CWF19L2: variants seen among roughly 807,000 people sequenced by gnomAD.
CWF19L2 encodes the protein CWF19-like protein 2.
CWF19L2 carries 98 observed loss-of-function variants against 111.7 expected under a neutral mutation model. The observed-to-expected ratio is 0.88, with a 90% confidence interval of 0.75 to 1.04. CWF19L2 has a LOEUF of 1.04. Ranked by LOEUF, CWF19L2 falls within the 50% of genes least tolerant of loss-of-function variation. CWF19L2 has a pLI of 0.00. For missense variants in CWF19L2, 1,101 were observed against 1,051.4 expected, an observed-to-expected ratio of 1.05 and a Z score of -0.65; for synonymous variants, 351 against 342.9, an observed-to-expected ratio of 1.02 and a Z score of -0.26.
chr11:107,382,669 T>C (rs1860705978), intron 12 of CWF19L2, among the ~76,000 whole-genome samples: 2 of 152,232 alleles, frequency 1.3e-5, no homozygotes, highest in Non-Finnish European at 2.9e-5. Context: ...TCTGTGGTGT[T>C]ATGATATGCG....
chr11:107,446,753 T>G lies in CWF19L2; in HGVS notation c.340-3704A>C, dbSNP rs545270663. 3.3e-5 allele frequency among the ~76,000 whole-genome samples: 5 copies of G among 152,280 alleles called. No individual in the cohort carries two copies. The South Asian group carries it at 1.0e-3, about 32-fold the overall frequency. ...GAAATGTCTTTTTCTACTCTTTCAA[T>G]AGCACTAGTCAGAAACTTTTAAGCA... On this transcript the variant is annotated intron_variant, in intron 3 of 17. Transcript: ENST00000282251.
At chr11:107,418,573 C>A (rs74711834) in intron 8 of CWF19L2, among the ~76,000 whole-genome samples, 1 of 152,062 alleles carries the variant, frequency 6.6e-6, no homozygotes, top group Non-Finnish European at 1.5e-5. Context: ...TCCCCATACT[C>A]GTAACTTTAA....
Position 107,455,782 on chromosome 11 carries a change from A to T in CWF19L2, c.106-6T>A. 2.0e-6 allele frequency: 3 copies of T among 1,524,656 alleles called. No individual in the cohort carries two copies. The highest frequency in any genetic ancestry group is 2.7e-6 in the Non-Finnish European group (3 of 1,130,358). The allele number at this position is 1,524,656 out of a possible 1,614,324, so 94.4% of individuals were successfully genotyped here. ...TTTTCAAAATTGGCTTTAGCCTACA[A>T]CCAAAGAAAAAAAAAAGACAAACTG... On this transcript the variant is annotated splice_polypyrimidine_tract_variant and splice_region_variant and intron_variant, in intron 1 of 17. Transcript: ENST00000282251.
rs1029518176 is a variant in CWF19L2 at position 107,326,984 on chromosome 11, C to T, written c.2611G>A (p.Asp871Asn). The T allele has an allele frequency of 6.2e-7, 1 of 1,612,148 alleles. No homozygotes were observed. The highest frequency in any genetic ancestry group is 2.2e-5 in the East Asian group (1 of 44,730). The change falls in exon 18 of 18, where the codon GAT (aspartate) becomes AAT (asparagine). Residue 871 changes from aspartate (D) to asparagine (N), a missense_variant. Asp to Asn is a conservative substitution (Grantham distance 23, BLOSUM62 1). Transcript: ENST00000282251. ...WRKGIRESFEDQRKKALQFAQ... is the reference protein window; with the variant it reads ...WRKGIRESFENQRKKALQFAQ... ...AACTGCAGTGCTTTTTTCCTCTGAT[C>T]CTCAAAGCTTTCTCGGATGCCTTTC...
chr11:107,439,135 T>C lies in CWF19L2; in HGVS notation c.619A>G (p.Thr207Ala). The C allele has an allele frequency of 6.2e-7, 1 of 1,609,880 alleles. No individual in the cohort carries two copies. Among genetic ancestry groups the C allele is most frequent in the Non-Finnish European group, 8.5e-7 (1 of 1,177,220 alleles). The change falls in exon 6 of 18, where the codon ACA becomes GCA. Residue 207 changes from threonine to alanine, a missense_variant. By Grantham distance (58) the Thr-to-Ala change is moderately conservative. Transcript: ENST00000282251. ...ELNPYWKDGG[T>A]GLPPEDCSVS... The stretch of plus-strand genomic sequence containing the variant: ...CTACAGTCTTCAGGTGGAAGACCTG[T>C]CCCACCATCCTTCCAGTACGGATTC...
chr11:107,407,384 T>C (rs1220444881), intron 10 of CWF19L2, among the ~76,000 whole-genome samples: 1 of 145,490 alleles, frequency 6.9e-6, no homozygotes, highest in African/African-American at 2.5e-5. Flanking sequence ...TCCCTCCATC[T>C]AACCCTTCCC....
chr11:107,327,150 G>T, intron 17 of CWF19L2, 97 bp from the exon 18 acceptor site: 1 of 1,175,366 alleles, frequency 8.5e-7, no homozygotes, highest in Non-Finnish European at 1.2e-6. Flanking sequence ...AATATAACAA[G>T]TTCTTCTCCA....
Position 107,416,227 on chromosome 11 carries a change from T to A in CWF19L2, c.1599A>T (p.Pro533=). The A allele has an allele frequency of 7.0e-7, 1 of 1,431,832 alleles. No homozygotes were observed. The highest frequency in any genetic ancestry group is 1.5e-5 in the South Asian group (1 of 67,342). 88.7% of individuals were successfully genotyped at this position (1,431,832 alleles called of 1,614,324 possible). ...NKFKETITQI[P]KKSGVENEDQ... ...TACTTACCTCTACCCCAGATTTTTT[T>A]GGTATCTGTGTTATAGTTTCTTTGA... is the stretch of plus-strand genomic sequence containing the variant. Residue 533 remains proline, a synonymous_variant, in exon 10 of 18, where the codon CCA becomes CCT. Coordinates refer to ENST00000282251, the MANE Select transcript of CWF19L2 (RefSeq NM_152434.3).
At chr11:107,421,011 A>C (rs575658660) in intron 8 of CWF19L2, among the ~76,000 whole-genome samples, 1 of 152,246 alleles carries the variant, frequency 6.6e-6, no homozygotes, top group South Asian at 2.1e-4. Context: ...CCAAGTGCAT[A>C]CAAAATATTT....
At chr11:107,399,027 G>A (rs1452433204) in intron 10 of CWF19L2, among the ~76,000 whole-genome samples, 4 of 152,046 alleles carry the variant, frequency 2.6e-5, no homozygotes, top group Admixed American at 2.6e-4. Flanking sequence ...CCTTTTGCAT[G>A]GTTTTGAAGG....
Position 107,380,911 on chromosome 11 carries a change from CT to C in CWF19L2, c.1872+9162del, listed in dbSNP as rs1231118786. On this transcript the variant is annotated intron_variant, in intron 12 of 17. Transcript: ENST00000282251. ...AAAAGCAATGAAATTCTGAAACATG[CT>C]AAATACTTGCAAAACTTGAAAACAT... Among the ~76,000 whole-genome samples, 66 of 152,152 alleles carry C rather than the reference CT, an allele frequency of 4.3e-4. 1 individual carries two copies. The highest frequency in any genetic ancestry group is 1.6e-3 in the African/African-American group (65 of 41,506).
chr11:107,409,209 G>A (rs140856132), intron 10 of CWF19L2, among the ~76,000 whole-genome samples: 2 of 152,112 alleles, frequency 1.3e-5, no homozygotes, highest in Admixed American at 6.5e-5. Context: ...CCAAAAGACA[G>A]TGTTAAAGCA....
At chr11:107,403,820 CT>C in intron 10 of CWF19L2, 2 of 836,112 alleles carry the variant, frequency 2.4e-6, no homozygotes. Flanking sequence ...ACCGCACAAC[CT>C]TTTAAGTTCA....
chr11:107,455,736 A>G lies in CWF19L2; in HGVS notation c.146T>C (p.Leu49Pro). The change falls in exon 2 of 18, where the codon CTT becomes CCT. Residue 49 changes from leucine to proline, a missense_variant. Transcript: ENST00000282251. Reference sequence around the variant, plus strand: ...TGTATCCTCACCCCGAAGTCGCTTAAGTTCTTTACGCCTTTCTTCTTTTTC... The same window carrying G: ...TGTATCCTCACCCCGAAGTCGCTTAGGTTCTTTACGCCTTTCTTCTTTTTC... ...NFEKEERRKELKRLRGEDTWM... is the reference protein window; with the variant it reads ...NFEKEERRKEPKRLRGEDTWM... The G allele has an allele frequency of 6.4e-7, 1 of 1,551,354 alleles. No individual in the cohort carries two copies. Among genetic ancestry groups the G allele is most frequent in the African/African-American group, 1.4e-5 (1 of 73,142 alleles).
intron 12 of CWF19L2, among the ~76,000 whole-genome samples, chr11:107,381,991 G>A (rs1591174980): frequency 6.6e-6 from 1 of 150,772 alleles, no homozygotes; most frequent in South Asian, 2.1e-4. Context: ...CCTCCCCTCC[G>A]GCCCATGTTT....
chr11:107,396,194 A>C (rs1275439495), intron 10 of CWF19L2, among the ~76,000 whole-genome samples: 3 of 152,254 alleles, frequency 2.0e-5, no homozygotes, highest in Non-Finnish European at 4.4e-5. Flanking sequence ...TTATCCATGT[A>C]ATTTTGTAAT....
intron 3 of CWF19L2, among the ~76,000 whole-genome samples, chr11:107,453,787 G>A (rs763660451): frequency 1.1e-4 from 17 of 151,948 alleles, no homozygotes; most frequent in Non-Finnish European, 1.9e-4. Context: ...TGGCCCAGGG[G>A]GTGCCCACTG....
chr11:107,408,367 G>A (rs905414040), intron 10 of CWF19L2, among the ~76,000 whole-genome samples: 1 of 151,802 alleles, frequency 6.6e-6, no homozygotes, highest in African/African-American at 2.4e-5. Flanking sequence ...CTACTTAGGA[G>A]GTCAAGACAA....
intron 12 of CWF19L2, among the ~76,000 whole-genome samples, chr11:107,380,255 T>C (rs1368400418): frequency 6.6e-6 from 1 of 152,116 alleles, no homozygotes; most frequent in African/African-American, 2.4e-5. Context: ...TCAAATTTTA[T>C]GACAATGTTT....
Sources: gnomAD v4.1 joint callset for allele counts (sites outside exome capture counted in the v4.1 genomes callset) on GRCh38, gnomAD v4.1.1 for gene constraint, MANE v1.5 for transcripts, NCBI Gene and HGNC (gene_info 2026-07-23, HGNC 2026-07-21) for gene names.